Variants in FBXW7 observed in about 807,000 individuals in gnomAD.
FBXW7 encodes F-box/WD repeat-containing protein 7.
Under a neutral mutation model 86.3 loss-of-function variants are expected in FBXW7, and 11 were observed. The observed-to-expected ratio is 0.13, with a 90% CI of 0.08 to 0.21. FBXW7 has a LOEUF of 0.21. FBXW7 is among the 10% of genes least tolerant of loss of function. The pLI, the probability that FBXW7 is intolerant of heterozygous loss-of-function variation, is 1.00. For missense variants in FBXW7, 488 were observed against 847.4 expected, an observed-to-expected ratio of 0.58 and a Z score of 5.27; for synonymous variants, 313 against 297.9, an observed-to-expected ratio of 1.05 and a Z score of -0.52.
intron 2 of FBXW7, among the ~76,000 whole-genome samples, chr4:152,432,204 C>G (rs1311575731): frequency 6.6e-6 from 1 of 152,058 alleles, no homozygotes; most frequent in Non-Finnish European, 1.5e-5. Flanking sequence ...GTTGTGAACT[C>G]TAGGAAAACT....
At chr4:152,387,607 T>TAA (rs140171187) in intron 4 of FBXW7, among the ~76,000 whole-genome samples, 6,237 of 129,138 alleles carry the variant, frequency 0.048, 228 homozygotes, top group East Asian at 0.17. Context: ...GCAAAAACTG[T>TAA]AAAAAAAAAA....
chr4:152,361,983 A>T (rs2126701233), intron 4 of FBXW7, among the ~76,000 whole-genome samples: 1 of 151,280 alleles, frequency 6.6e-6, no homozygotes, highest in South Asian at 2.1e-4. Flanking sequence ...AAAAAAAAAA[A>T]AAGAACAGAA....
chr4:152,333,354 A>G (rs1425591596), intron 7 of FBXW7, among the ~76,000 whole-genome samples: 1 of 152,108 alleles, frequency 6.6e-6, no homozygotes, highest in East Asian at 1.9e-4. Context: ...TGGGCCACAT[A>G]AGAGTTGTAT....
intron 4 of FBXW7, among the ~76,000 whole-genome samples, chr4:152,358,130 T>C (rs1313149633): frequency 2.6e-5 from 4 of 152,180 alleles, no homozygotes; most frequent in Non-Finnish European, 5.9e-5. Flanking sequence ...CAAAATTTTA[T>C]TGTGAATTTC....
intron 2 of FBXW7, among the ~76,000 whole-genome samples, chr4:152,476,717 A>G (rs1744433088): frequency 6.6e-6 from 1 of 152,172 alleles, no homozygotes; most frequent in Admixed American, 6.5e-5. Flanking sequence ...AATTTGCCTT[A>G]AGACAAAATA....
At chr4:152,352,542 GCCC>G in intron 4 of FBXW7, 1 of 1,613,828 alleles carries the variant, frequency 6.2e-7, no homozygotes, top group Non-Finnish European at 8.5e-7. Context: ...GTGATTCTGT[GCCC>G]CCGTGTGTCC....
intron 4 of FBXW7, among the ~76,000 whole-genome samples, chr4:152,400,541 C>T (rs553111351): frequency 7.1e-4 from 108 of 151,658 alleles, no homozygotes; most frequent in African/African-American, 2.4e-3. Context: ...AGGAGGAGGT[C>T]TCAGTATGTT....
Position 152,411,540 on chromosome 4 carries a change from A to G in FBXW7, c.264T>C (p.Asp88=). Residue 88 remains aspartate, a synonymous_variant, in exon 4 of 14, where the codon GAT becomes GAC. Transcript: ENST00000281708. The stretch of plus-strand genomic sequence containing the variant: ...CTTCTTGGTTTCCTGAGGAGTCCTC[A>G]TCTACCGAAATAAATCTATTATTGT... ...EENNNRFISV[D]EDSSGNQEEQ... 1.2e-6 allele frequency: 2 copies of G among 1,613,874 alleles called. No homozygotes were observed. Among genetic ancestry groups the G allele is most frequent in the Non-Finnish European group, 1.7e-6 (2 of 1,179,938 alleles).
intron 2 of FBXW7, among the ~76,000 whole-genome samples, chr4:152,463,383 T>G (rs933206619): frequency 3.3e-5 from 5 of 152,030 alleles, no homozygotes; most frequent in African/African-American, 9.7e-5. Context: ...CACAAAACCA[T>G]AAGGAAATCA....
At chr4:152,324,130 C>T (rs1259619828) in intron 13 of FBXW7, 54 bp downstream of exon 13, 1 of 1,402,586 alleles carries the variant, frequency 7.1e-7, no homozygotes, top group African/African-American at 1.4e-5. Context: ...CCATATTTCT[C>T]TTGAATAATG....
intron 2 of FBXW7, among the ~76,000 whole-genome samples, chr4:152,515,374 G>A (rs952270036): frequency 5.3e-5 from 8 of 152,176 alleles, no homozygotes; most frequent in Non-Finnish European, 1.2e-4. Context: ...GGAATCTTTT[G>A]AGGGTGACAG....
chr4:152,330,718 C>A lies in FBXW7; in HGVS notation c.1122+14G>T, dbSNP rs1489837110. Reference sequence around the variant, plus strand: ...GATTAACGGTTTCTGTTACATTGTGCAGAGTTCAGTTACCTTAGGAGATTT... The same window carrying A: ...GATTAACGGTTTCTGTTACATTGTGAAGAGTTCAGTTACCTTAGGAGATTT... On this transcript the variant is annotated intron_variant, in intron 9 of 13. Coordinates refer to ENST00000281708, the MANE Select transcript of FBXW7 (RefSeq NM_001349798.2). The A allele has an allele frequency of 6.2e-7, 1 of 1,609,278 alleles. No homozygotes were observed. Among genetic ancestry groups the A allele is most frequent in the Admixed American group, 1.7e-5 (1 of 59,540 alleles).
chr4:152,472,512 G>A (rs1262340110), intron 2 of FBXW7, among the ~76,000 whole-genome samples: 3 of 151,976 alleles, frequency 2.0e-5, no homozygotes, highest in Non-Finnish European at 4.4e-5. Flanking sequence ...ATACTGCTGT[G>A]GGAAAGAAGC....
intron 2 of FBXW7, among the ~76,000 whole-genome samples, chr4:152,431,526 G>A (rs751185036): frequency 1.3e-5 from 2 of 152,146 alleles, no homozygotes; most frequent in Non-Finnish European, 2.9e-5. Context: ...CTGCTTCCTG[G>A]AAGTTTCTAT....
At chr4:152,417,716 T>C (rs542783027) in intron 2 of FBXW7, among the ~76,000 whole-genome samples, 13 of 152,180 alleles carry the variant, frequency 8.5e-5, no homozygotes, top group Non-Finnish European at 1.9e-4. Flanking sequence ...GAGGGTGCAG[T>C]GGCCACAGTG....
At chr4:152,390,125 C>T (rs1357309030) in intron 4 of FBXW7, among the ~76,000 whole-genome samples, 1 of 150,776 alleles carries the variant, frequency 6.6e-6, no homozygotes, top group Non-Finnish European at 1.5e-5. Context: ...TTTTTTTCCT[C>T]TCCTACCTAC....
Position 152,526,182 on chromosome 4 carries a change from A to G in FBXW7, c.-120+8759T>C, listed in dbSNP as rs532157314. 2.0e-5 allele frequency among the ~76,000 whole-genome samples: 3 copies of G among 151,672 alleles called. No individual in the cohort carries two copies. In the East Asian group the frequency reaches 5.9e-4, roughly 30 times the overall value. ...AAATTTAAGTTCTTATAGACGTTGG[A>G]CAATAGACCTTTGTCAGATGCATAG... On this transcript the variant is annotated intron_variant, in intron 2 of 13. Coordinates refer to ENST00000281708, the MANE Select transcript of FBXW7 (RefSeq NM_001349798.2).
chr4:152,520,402 C>T lies in FBXW7; in HGVS notation c.-120+14539G>A, dbSNP rs547612806. Among the ~76,000 whole-genome samples, 20 of 148,376 alleles carry T rather than the reference C, an allele frequency of 1.3e-4. No individual in the cohort carries two copies. In the South Asian group the frequency reaches 2.6e-3, roughly 19 times the overall value. On this transcript the variant is annotated intron_variant, in intron 2 of 13. Transcript: ENST00000281708. Reference sequence around the variant, plus strand: ...GAGCCGAGATTGCGCCACTGCAGTCCGCAGTCCGGCCTGGGCGACAGAGCG... The same window carrying T: ...GAGCCGAGATTGCGCCACTGCAGTCTGCAGTCCGGCCTGGGCGACAGAGCG...
In FBXW7 at chr4:152,458,264, C is replaced by T. The variant is rs186376646; in HGVS notation, c.-119-45735G>A. ...TGAACTCCCGACCTCGTGATCCGCC[C>T]GCCTCAGCCTCCCCAAAGTGCTGGG... is the stretch of plus-strand genomic sequence containing the variant. On this transcript the variant is annotated intron_variant, in intron 2 of 13. Transcript: ENST00000281708. 1.7e-4 allele frequency among the ~76,000 whole-genome samples: 26 copies of T among 152,250 alleles called. No individual in the cohort carries two copies. In the East Asian group the frequency reaches 3.1e-3, roughly 18 times the overall value.
Sources: allele counts gnomAD v4.1 joint callset (sites outside exome capture counted in the v4.1 genomes callset), GRCh38; gene constraint gnomAD v4.1.1; transcripts MANE v1.5; gene names NCBI Gene and HGNC (gene_info 2026-07-23, HGNC 2026-07-21).